The following GCH1 variants were observed in gnomAD, a reference collection of about 807,000 sequenced individuals.
GCH1 encodes the protein GTP cyclohydrolase I.
Under a neutral mutation model 25.9 loss-of-function variants are expected in GCH1, and 5 were observed. That is an observed-to-expected ratio of 0.19 (90% CI 0.10 to 0.41). The LOEUF is 0.41. Ranked by LOEUF, GCH1 falls within the 10% of genes least tolerant of loss-of-function variation. The probability of loss-of-function intolerance (pLI) is 1.00; values close to 1 mark genes in which losing one functional copy is unlikely to be tolerated. For synonymous variants in GCH1, 159 were observed against 129.6 expected, an observed-to-expected ratio of 1.23 and a Z score of -1.54; for missense variants, 261 against 336.5, an observed-to-expected ratio of 0.78 and a Z score of 1.75.
intron 1 of GCH1, among the ~76,000 whole-genome samples, chr14:54,870,335 CAA>C (rs561453897): frequency 0.25 from 16,706 of 67,536 alleles, 789 homozygotes; most frequent in African/African-American, 0.37. Context: ...CTGTTTTTAC[CAA>C]AAAAAAAAAA....
At chr14:54,851,644 A>G (rs1330090368) in intron 3 of GCH1, among the ~76,000 whole-genome samples, 2 of 152,218 alleles carry the variant, frequency 1.3e-5, no homozygotes, top group Non-Finnish European at 2.9e-5. Context: ...ACTGGCCATC[A>G]GAGAAATGCA....
intron 1 of GCH1, among the ~76,000 whole-genome samples, chr14:54,888,065 A>T (rs1481737136): frequency 4.6e-5 from 7 of 152,210 alleles, no homozygotes; most frequent in African/African-American, 1.4e-4. Context: ...TGGGGGGAAA[A>T]GTCTTTAAAT....
chr14:54,879,586 G>T (rs1375870972), intron 1 of GCH1, among the ~76,000 whole-genome samples: 1 of 152,124 alleles, frequency 6.6e-6, no homozygotes, highest in African/African-American at 2.4e-5. Context: ...ATAAATCCTT[G>T]AAAGGATATT....
chr14:54,876,749 G>A (rs1399622892), intron 1 of GCH1, among the ~76,000 whole-genome samples: 2 of 152,062 alleles, frequency 1.3e-5, no homozygotes, highest in East Asian at 3.8e-4. Flanking sequence ...GAGGAGCTAT[G>A]AACATATGAC....
intron 3 of GCH1, among the ~76,000 whole-genome samples, chr14:54,858,352 C>A (rs1594981714): frequency 6.6e-6 from 1 of 152,156 alleles, no homozygotes; most frequent in African/African-American, 2.4e-5. Flanking sequence ...ATGGCACAAT[C>A]TCGGCTCACT....
chr14:54,874,677 C>T (rs1385427429), intron 1 of GCH1, among the ~76,000 whole-genome samples: 3 of 152,136 alleles, frequency 2.0e-5, no homozygotes, highest in African/African-American at 4.8e-5. Flanking sequence ...GCAAAAATCA[C>T]GAGCATTTCT....
intron 1 of GCH1, among the ~76,000 whole-genome samples, chr14:54,891,259 T>C (rs1276981479): frequency 6.6e-6 from 1 of 151,806 alleles, no homozygotes; most frequent in East Asian, 1.9e-4. Flanking sequence ...TGCACCACCA[T>C]GCCCAGCAAA....
Position 54,860,228 on chromosome 14 carries a change from C to G in GCH1, c.454-492G>C, listed in dbSNP as rs541490269. Among the ~76,000 whole-genome samples, 320 of 152,290 alleles carry G rather than the reference C, an allele frequency of 2.1e-3. 1 individual carries two copies. The highest frequency in any genetic ancestry group is 7.5e-3 in the African/African-American group (310 of 41,544). On this transcript the variant is annotated intron_variant, in intron 2 of 5. Coordinates refer to ENST00000491895, the MANE Select transcript of GCH1 (RefSeq NM_000161.3). ...ATTCATGTTGTTCAAGAGTCAATTGCATGGCCCTGACACTTACCTGTGAAG... is the reference window on the plus strand; with the variant it reads ...ATTCATGTTGTTCAAGAGTCAATTGGATGGCCCTGACACTTACCTGTGAAG...
chr14:54,857,015 G>T (rs2039822272), intron 3 of GCH1, among the ~76,000 whole-genome samples: 1 of 152,136 alleles, frequency 6.6e-6, no homozygotes, highest in Non-Finnish European at 1.5e-5. Context: ...GTTTTGCTAA[G>T]ACATTCAGCT....
At position 54,842,064 on chromosome 14, in the gene GCH1, T is replaced by C. The variant is rs1263983610; in HGVS notation, c.*1953A>G. 6.6e-6 allele frequency: 1 copy of C among 152,196 alleles called. No homozygotes were observed. Among genetic ancestry groups the C allele is most frequent in the East Asian group, 1.9e-4 (1 of 5,194 alleles). 9.4% of individuals were successfully genotyped at this position (152,196 alleles called of 1,614,324 possible). On this transcript the variant is annotated 3_prime_UTR_variant, in exon 6 of 6. Coordinates refer to ENST00000491895, the MANE Select transcript of GCH1 (RefSeq NM_000161.3). ...TTAAATAGGACCACCTTCAGGAACA[T>C]ACATACTCATACATAAAATTAAACA...
At chr14:54,893,600 T>C (rs1417660308) in intron 1 of GCH1, among the ~76,000 whole-genome samples, 1 of 152,222 alleles carries the variant, frequency 6.6e-6, no homozygotes, top group Non-Finnish European at 1.5e-5. Context: ...ACAATGATTC[T>C]CTTTCTATAT....
chr14:54,853,585 C>T (rs1346964881), intron 3 of GCH1, among the ~76,000 whole-genome samples: 1 of 152,160 alleles, frequency 6.6e-6, no homozygotes, highest in Non-Finnish European at 1.5e-5. Context: ...ATCTAGTTCA[C>T]CACACCCAGC....
At chr14:54,872,378 A>G (rs1205593969) in intron 1 of GCH1, among the ~76,000 whole-genome samples, 2 of 152,202 alleles carry the variant, frequency 1.3e-5, no homozygotes, top group Non-Finnish European at 2.9e-5. Context: ...AACCGGTACC[A>G]GCCACTGAAA....
intron 1 of GCH1, among the ~76,000 whole-genome samples, chr14:54,875,669 G>A (rs2040148113): frequency 6.6e-6 from 1 of 152,166 alleles, no homozygotes; most frequent in South Asian, 2.1e-4. Flanking sequence ...TGAAGGATAT[G>A]AACAGACACT....
intron 3 of GCH1, among the ~76,000 whole-genome samples, chr14:54,856,091 C>G (rs2039807201): frequency 6.6e-6 from 1 of 152,218 alleles, no homozygotes; most frequent in African/African-American, 2.4e-5. Flanking sequence ...TTCCATCAGT[C>G]AATCTGGTTC....
intron 1 of GCH1, among the ~76,000 whole-genome samples, chr14:54,896,823 G>C (rs1264035404): frequency 6.6e-6 from 1 of 151,156 alleles, no homozygotes; most frequent in African/African-American, 2.4e-5. Flanking sequence ...AGGAGGCTGA[G>C]GCAGGAGAAT....
intron 3 of GCH1, among the ~76,000 whole-genome samples, chr14:54,855,918 T>C (rs915833733): frequency 7.9e-5 from 12 of 152,190 alleles, no homozygotes; most frequent in African/African-American, 2.7e-4. Context: ...AGAAGGATAG[T>C]GAAAGAAATC....
At chr14:54,852,484 G>A (rs1049672259) in intron 3 of GCH1, among the ~76,000 whole-genome samples, 7 of 152,102 alleles carry the variant, frequency 4.6e-5, no homozygotes, top group Non-Finnish European at 8.8e-5. Context: ...CACTCAGACT[G>A]GGACCACTCA....
At chr14:54,858,264 A>G (rs569475370) in intron 3 of GCH1, among the ~76,000 whole-genome samples, 16 of 152,288 alleles carry the variant, frequency 1.1e-4, no homozygotes, top group Admixed American at 9.2e-4. Flanking sequence ...AACTGGTCAC[A>G]GAGACTCATT....
Sources: allele counts gnomAD v4.1 joint callset (sites outside exome capture counted in the v4.1 genomes callset), GRCh38; gene constraint gnomAD v4.1.1; transcripts MANE v1.5; gene names NCBI Gene and HGNC (gene_info 2026-07-23, HGNC 2026-07-21).